Variants in LRWD1 observed in about 807,000 individuals in gnomAD.
LRWD1 encodes leucine rich repeats and WD repeat domain containing 1.
In LRWD1, 76 loss-of-function variants were observed where a neutral mutation model predicts 75.6. The ratio of observed to expected loss-of-function variants is 1.01; its 90% CI spans 0.84 to 1.22. LRWD1 has a LOEUF of 1.22. Among genes scored for constraint, LRWD1 ranks in the 50% most tolerant of loss-of-function variants. The pLI is 0.00. For synonymous variants in LRWD1, 487 were observed against 377.0 expected (o/e 1.29, Z -3.38); for missense variants, 917 against 862.0 (o/e 1.06, Z -0.80).
Position 102,468,643 on chromosome 7 carries a change from G to C in LRWD1, c.1009G>C (p.Ala337Pro), listed in dbSNP as rs1296459750. 6.4e-7 allele frequency: 1 copy of C among 1,567,028 alleles called. No homozygotes were observed. The highest frequency in any genetic ancestry group is 1.9e-5 in the Admixed American group (1 of 53,524). Residue 337 changes from alanine to proline, a missense_variant, in exon 8 of 15, where the codon GCA becomes CCA. Physicochemically the swap from Ala to Pro is conservative, Grantham distance 27. Coordinates refer to ENST00000292616, the MANE Select transcript of LRWD1 (RefSeq NM_152892.3). ...QTGIVLHKYK[A>P]PGEEFFSVAW... The stretch of plus-strand genomic sequence containing the variant: ...GGGCATCGTGCTCCACAAGTACAAG[G>C]CACCCGGCGAGGTGAGTGCAAGGCC...
chr7:102,470,173 T>G (rs1011417153), intron 11 of LRWD1: 1 of 392,978 alleles, frequency 2.5e-6, no homozygotes, highest in Non-Finnish European at 4.5e-6. Flanking sequence ...CTGCCACTCA[T>G]CAGCAGTGTG....
intron 11 of LRWD1, 39 bp from the exon 12 acceptor site, chr7:102,472,179 G>C: frequency 6.4e-7 from 1 of 1,550,688 alleles, no homozygotes; most frequent in Non-Finnish European, 8.8e-7. Flanking sequence ...CTCTCTATCT[G>C]CAAGGAATGG....
Position 102,472,980 on chromosome 7 carries a change from C to T in LRWD1, c.1875C>T (p.Ala625=), listed in dbSNP as rs1798263729. 3.1e-6 allele frequency: 5 copies of T among 1,614,118 alleles called. No homozygotes were observed. The highest frequency in any genetic ancestry group is 4.2e-6 in the Non-Finnish European group (5 of 1,180,004). Residue 625 remains alanine, a synonymous_variant, in exon 15 of 15, where the codon GCC becomes GCT. Coordinates refer to ENST00000292616, the MANE Select transcript of LRWD1 (RefSeq NM_152892.3). ...VTKTMVNTVV[A]NASFTYLTAL... ...AGACCATGGTGAACACAGTGGTGGC[C>T]AATGCCTCCTTCACCTACCTCACCG... is the stretch of plus-strand genomic sequence containing the variant.
At chr7:102,472,638 C>T in intron 13 of LRWD1, 29 bp downstream of exon 13, 1 of 1,610,232 alleles carries the variant, frequency 6.2e-7, no homozygotes, top group Non-Finnish European at 8.5e-7. Context: ...CCGCCCCATC[C>T]CGCGGGCTTC....
intron 3 of LRWD1, among the ~76,000 whole-genome samples, chr7:102,466,917 G>A (rs1798002444): frequency 6.6e-6 from 1 of 151,416 alleles, no homozygotes; most frequent in African/African-American, 2.4e-5. Flanking sequence ...AATAGCTGGG[G>A]CTTTAGGCGC....
Position 102,465,027 on chromosome 7 carries a change from G to T in LRWD1, c.-54G>T, listed in dbSNP as rs976974563. On this transcript the variant is annotated 5_prime_UTR_variant, in exon 1 of 15. Transcript: ENST00000292616. Reference sequence around the variant, plus strand: ...TGCCGGGCTCCAGGAGACGCAGGGCGACGCCACACGCCGGGGTGGCCGACT... The same window carrying T: ...TGCCGGGCTCCAGGAGACGCAGGGCTACGCCACACGCCGGGGTGGCCGACT... 4.3e-6 allele frequency: 6 copies of T among 1,407,918 alleles called. No homozygotes were observed. The South Asian group carries it at 6.0e-5, about 14-fold the overall frequency. 87.2% of individuals were successfully genotyped at this position (1,407,918 alleles called of 1,614,324 possible).
At position 102,467,128 on chromosome 7, in the gene LRWD1, T is replaced by G. The variant is rs1232808498; in HGVS notation, c.433-211T>G. 7.8e-4 allele frequency among the ~76,000 whole-genome samples: 105 copies of G among 134,980 alleles called. 1 individual carries two copies. The East Asian group carries it at 9.2e-3, about 12-fold the overall frequency. The allele number at this position is 134,980 out of a possible 152,430, so 88.6% of individuals were successfully genotyped here. On this transcript the variant is annotated intron_variant, in intron 3 of 14. Coordinates refer to ENST00000292616, the MANE Select transcript of LRWD1 (RefSeq NM_152892.3). ...CTGGGTTGTTGCTGGGGTGTGTGTG[T>G]GTGTGTGTGTAGGCACCTGGGTTGT...
Position 102,466,011 on chromosome 7 carries a change from A to G in LRWD1, c.275A>G (p.Lys92Arg), listed in dbSNP as rs753792771. 3.1e-6 allele frequency: 5 copies of G among 1,613,880 alleles called. No homozygotes were observed. The Admixed American group carries it at 6.7e-5, about 22-fold the overall frequency. ...GTTACTGCCTTGTGCCAGTTCCCCA[A>G]GCTCGAGGAACTCAGCCTGGAGGGC... ...GDVTALCQFP[K>R]LEELSLEGNP... The change falls in exon 2 of 15, where the codon AAG (lysine) becomes AGG (arginine). Residue 92 changes from lysine (K) to arginine (R), a missense_variant. Coordinates refer to ENST00000292616, the MANE Select transcript of LRWD1 (RefSeq NM_152892.3).
Position 102,472,275 on chromosome 7 carries a change from G to C in LRWD1, c.1500G>C (p.Val500=). 1 of 1,590,270 alleles carries C rather than the reference G, an allele frequency of 6.3e-7. No homozygotes were observed. Among genetic ancestry groups the C allele is most frequent in the Non-Finnish European group, 8.6e-7 (1 of 1,166,652 alleles). ...SEGSEASGRR[V]DGLAFVNEDI... is the part of the protein sequence containing the mutation. ...GCTCCGAGGCATCTGGACGGAGAGT[G>C]GATGGGCTGGCATTTGTGAATGAGG... The change falls in exon 12 of 15, where the codon GTG becomes GTC. Residue 500 remains valine, a synonymous_variant. Coordinates refer to ENST00000292616, the MANE Select transcript of LRWD1 (RefSeq NM_152892.3).
At position 102,473,050 on chromosome 7, in the gene LRWD1, C is replaced by T. The variant is rs745818083; in HGVS notation, c.*1C>T. On this transcript the variant is annotated 3_prime_UTR_variant, in exon 15 of 15. Coordinates refer to ENST00000292616, the MANE Select transcript of LRWD1 (RefSeq NM_152892.3). The stretch of plus-strand genomic sequence containing the variant: ...CGTAGCCATCTGGGGGAGGATGTAG[C>T]CTCACACCATCGCAAAGGACCAGGG... 3.1e-6 allele frequency: 5 copies of T among 1,611,348 alleles called. No homozygotes were observed. Among genetic ancestry groups the T allele is most frequent in the Non-Finnish European group, 4.2e-6 (5 of 1,178,184 alleles).
chr7:102,473,053 C>T lies in LRWD1; in HGVS notation c.*4C>T. 6.2e-7 allele frequency: 1 copy of T among 1,609,952 alleles called. No individual in the cohort carries two copies. Among genetic ancestry groups the T allele is most frequent in the Non-Finnish European group, 8.5e-7 (1 of 1,177,312 alleles). ...AGCCATCTGGGGGAGGATGTAGCCT[C>T]ACACCATCGCAAAGGACCAGGGACA... On this transcript the variant is annotated 3_prime_UTR_variant, in exon 15 of 15. Transcript: ENST00000292616.
intron 12 of LRWD1, 67 bp downstream of exon 12, chr7:102,472,376 C>T (rs1798224641): frequency 1.3e-6 from 2 of 1,551,382 alleles, no homozygotes; most frequent in Non-Finnish European, 1.7e-6. Flanking sequence ...TGTCCCTGGG[C>T]TAGGCTTCTG....
rs764792118 is a variant in LRWD1 at position 102,469,587 on chromosome 7, C to T, written c.1242C>T (p.Asp414=). 1.2e-6 allele frequency: 2 copies of T among 1,614,188 alleles called. No homozygotes were observed. The highest frequency in any genetic ancestry group is 1.7e-6 in the Non-Finnish European group (2 of 1,180,008). Residue 414 remains aspartate, a synonymous_variant, in exon 10 of 15, where the codon GAC becomes GAT. Coordinates refer to ENST00000292616, the MANE Select transcript of LRWD1 (RefSeq NM_152892.3). ...CCCCCTCTTCAGCGGCCTCCTATGACAAGCGGATCATCCTCTGGGACATCG... is the reference window on the plus strand; with the variant it reads ...CCCCCTCTTCAGCGGCCTCCTATGATAAGCGGATCATCCTCTGGGACATCG... ...HETHLFTASY[D]KRIILWDIGV...
intron 5 of LRWD1, 75 bp downstream of exon 5, chr7:102,467,898 C>A (rs546883626): frequency 6.6e-7 from 1 of 1,517,294 alleles, no homozygotes; most frequent in Non-Finnish European, 8.9e-7. Flanking sequence ...ACCAAGGCGT[C>A]CTGGGCATGT....
In LRWD1 at chr7:102,469,796, C is replaced by T. The variant is rs1307077353; in HGVS notation, c.1356C>T (p.Ala452=). 63 of 1,609,078 alleles carry T rather than the reference C, an allele frequency of 3.9e-5. No individual in the cohort carries two copies. The East Asian group carries it at 1.4e-3, about 35-fold the overall frequency. The change falls in exon 11 of 15, where the codon GCC becomes GCT. Residue 452 remains alanine, a synonymous_variant. Transcript: ENST00000292616. ...TCCCCCTGCGCCTCTGCCCTGTCGC[C>T]TCCTGCCCGGACGCCCGCCTGCTGG... ...TSIPLRLCPV[A]SCPDARLLAG...
At chr7:102,467,169 G>GTGTGTGT (rs773521223) in intron 3 of LRWD1, among the ~76,000 whole-genome samples, 170 bp from the exon 4 acceptor site, 1 of 19,816 alleles carries the variant, frequency 5.0e-5, no homozygotes, top group Non-Finnish European at 1.7e-4. Flanking sequence ...GGGTGTGTGT[G>GTGTGTGT]GGGTGTGTGT....
Position 102,472,930 on chromosome 7 carries a change from T to TA in LRWD1, c.1825_1826insA (p.Trp609Ter), listed in dbSNP as rs1253473823. Residue 609 changes from tryptophan (W) to a stop codon, truncating the protein, a stop_gained and frameshift_variant, in exon 15 of 15, where the codon TGG becomes TAGG. Transcript: ENST00000292616. LOFTEE classifies it high-confidence loss of function. The stretch of plus-strand genomic sequence containing the variant: ...CCAGATCCTGAAGTGGCCCCAGCCC[T>TA]GGGCCCTTGGCCAGGTGGTGACCAA... ...PTQILKWPQP[W>*]ALGQVVTKTM... The TA allele has an allele frequency of 6.2e-7, 1 of 1,600,094 alleles. No homozygotes were observed. The highest frequency in any genetic ancestry group is 8.5e-7 in the Non-Finnish European group (1 of 1,170,896).
rs745574402 is a variant in LRWD1 at position 102,465,854 on chromosome 7, C to T, written c.118C>T (p.Pro40Ser). ...GLELLSEHLD[P>S]KLLCRLTQLQ... is the part of the protein sequence containing the mutation. ...GGAGCTGCTTTCCGAGCACCTGGAC[C>T]CCAAACTCCTGTGCCGCCTGACGCA... Residue 40 changes from proline (P) to serine (S), a missense_variant, in exon 2 of 15, where the codon CCC (proline) becomes TCC (serine). Physicochemically the swap from Pro to Ser is moderately conservative, Grantham distance 74 (BLOSUM62 -1). Coordinates refer to ENST00000292616, the MANE Select transcript of LRWD1 (RefSeq NM_152892.3). 1.2e-6 allele frequency: 2 copies of T among 1,613,398 alleles called. No homozygotes were observed. Among genetic ancestry groups the T allele is most frequent in the Non-Finnish European group, 1.7e-6 (2 of 1,180,014 alleles).
rs1798045177 is a variant in LRWD1, at chr7:102,467,456, C to G, written c.550C>G (p.Leu184Val). The change falls in exon 4 of 15, where the codon CTC becomes GTC. Residue 184 changes from leucine (L) to valine (V), a missense_variant. Transcript: ENST00000292616. ...VRDVRYGPESLSEFTQWRVRM... is the reference protein window; with the variant it reads ...VRDVRYGPESVSEFTQWRVRM... ...GGATGTCCGCTACGGGCCCGAGTCC[C>G]TCAGCGAGTTCACCCAGTGGCGGGT... 1.2e-6 allele frequency: 2 copies of G among 1,613,778 alleles called. No individual in the cohort carries two copies.
Sources: gnomAD v4.1 joint callset for allele counts (sites outside exome capture counted in the v4.1 genomes callset) on GRCh38, gnomAD v4.1.1 for gene constraint, MANE v1.5 for transcripts, NCBI Gene and HGNC (gene_info 2026-07-23, HGNC 2026-07-21) for gene names.